LTBP1: variants seen among roughly 807,000 people sequenced by gnomAD.
The protein encoded by LTBP1 is latent transforming growth factor beta binding protein 1.
LTBP1 carries 129 observed loss-of-function variants against 207.6 expected under a neutral mutation model. The observed-to-expected ratio is 0.62, with a 90% CI of 0.54 to 0.72. The LOEUF (loss-of-function observed/expected upper bound fraction) is 0.72. LTBP1 is among the 30% of genes least tolerant of loss of function. The probability of loss-of-function intolerance (pLI) is 0.00; values close to 1 mark genes in which losing one functional copy is unlikely to be tolerated. For missense variants in LTBP1, 2,281 were observed against 2,217.2 expected (o/e 1.03, Z -0.58); for synonymous variants, 963 against 833.7 (o/e 1.16, Z -2.67).
At chr2:33,200,761 A>T (rs1201495870) in intron 7 of LTBP1, among the ~76,000 whole-genome samples, 2 of 152,186 alleles carry the variant, frequency 1.3e-5, no homozygotes, top group Non-Finnish European at 2.9e-5. Context: ...ATCTACAATG[A>T]ACTCAAACAA....
At chr2:33,196,416 A>G (rs1231688966) in intron 7 of LTBP1, among the ~76,000 whole-genome samples, 1 of 152,182 alleles carries the variant, frequency 6.6e-6, no homozygotes, top group African/African-American at 2.4e-5. Context: ...TTTAGAAACA[A>G]ACTTAAAGTT....
chr2:33,218,605 C>G (rs546631483), intron 8 of LTBP1, among the ~76,000 whole-genome samples: 20 of 152,258 alleles, frequency 1.3e-4, no homozygotes, highest in African/African-American at 4.6e-4. Flanking sequence ...CCATGTTGGC[C>G]AGGCTGGTCT....
chr2:33,327,673 A>T (rs1430701838), intron 24 of LTBP1, among the ~76,000 whole-genome samples: 1 of 152,150 alleles, frequency 6.6e-6, no homozygotes, highest in Non-Finnish European at 1.5e-5. Flanking sequence ...CAAGATGACT[A>T]CTCAGAGTGC....
chr2:32,956,845 T>C (rs1678154677), intron 2 of LTBP1, among the ~76,000 whole-genome samples: 1 of 152,208 alleles, frequency 6.6e-6, no homozygotes, highest in Admixed American at 6.5e-5. Context: ...CTTTGACCCA[T>C]GGACTACAGA....
intron 18 of LTBP1, 32 bp from the exon 19 acceptor site, chr2:33,280,007 A>C: frequency 6.2e-7 from 1 of 1,610,586 alleles, no homozygotes; most frequent in African/African-American, 1.3e-5. Flanking sequence ...ATTCTGATAA[A>C]ATGTTCACGA....
At position 33,275,897 on chromosome 2, in the gene LTBP1, G is replaced by A. The variant is rs142262862; in HGVS notation, c.2966G>A (p.Arg989His). ...TGTGAATACTGTGACAGCGGGTACC[G>A]CATGACTCAGAGAGGCCGTTGTGAG... ...FRCEYCDSGY[R>H]MTQRGRCEDI... Residue 989 changes from arginine (R) to histidine (H), a missense_variant, in exon 18 of 34, where the codon CGC (arginine) becomes CAC (histidine). Physicochemically the swap from Arg to His is conservative, Grantham distance 29 (BLOSUM62 0). Transcript: ENST00000404816. The A allele has an allele frequency of 1.2e-5, 20 of 1,602,156 alleles. No homozygotes were observed. The highest frequency in any genetic ancestry group is 1.1e-4 in the African/African-American group (8 of 74,736).
intron 26 of LTBP1, among the ~76,000 whole-genome samples, chr2:33,353,305 C>T (rs961882722): frequency 6.6e-6 from 1 of 152,120 alleles, no homozygotes; most frequent in Admixed American, 6.6e-5. Flanking sequence ...TGAAATATCT[C>T]TCAAGCCTTT....
At chr2:33,041,289 T>C (rs2149407308) in intron 3 of LTBP1, among the ~76,000 whole-genome samples, 1 of 152,318 alleles carries the variant, frequency 6.6e-6, no homozygotes, top group Admixed American at 6.5e-5. Context: ...TTTCTTTCTT[T>C]TTTTTTCTTT....
chr2:33,069,316 C>G (rs1298702875), intron 3 of LTBP1, among the ~76,000 whole-genome samples: 1 of 152,180 alleles, frequency 6.6e-6, no homozygotes, highest in African/African-American at 2.4e-5. Flanking sequence ...ACACCCTCTC[C>G]CTCTAGTCTG....
chr2:33,331,759 C>A (rs991406624), intron 24 of LTBP1, among the ~76,000 whole-genome samples: 4 of 152,014 alleles, frequency 2.6e-5, no homozygotes, highest in African/African-American at 9.7e-5. Flanking sequence ...TGTCTGCTTA[C>A]TATATAAATG....
chr2:33,171,875 T>C (rs1325652001), intron 5 of LTBP1, among the ~76,000 whole-genome samples: 2 of 152,140 alleles, frequency 1.3e-5, no homozygotes, highest in Non-Finnish European at 2.9e-5. Context: ...AAAAAAGAAT[T>C]TTCAACCCAG....
intron 31 of LTBP1, among the ~76,000 whole-genome samples, chr2:33,378,437 G>A (rs2095171722): frequency 6.6e-6 from 1 of 151,954 alleles, no homozygotes; most frequent in African/African-American, 2.4e-5. Context: ...TCACCATGTT[G>A]CCCAGGCTGG....
At chr2:33,115,738 C>T (rs1320962808) in intron 4 of LTBP1, among the ~76,000 whole-genome samples, 1 of 151,406 alleles carries the variant, frequency 6.6e-6, no homozygotes, top group Admixed American at 6.6e-5. Flanking sequence ...TTTTTTTAAC[C>T]CAGAGGAAGA....
At position 33,110,003 on chromosome 2, in the gene LTBP1, T is replaced by A. The variant is rs543638974; in HGVS notation, c.864-579T>A. 3.9e-5 allele frequency among the ~76,000 whole-genome samples: 6 copies of A among 152,374 alleles called. No homozygotes were observed. In the South Asian group the frequency reaches 1.0e-3, roughly 26 times the overall value. On this transcript the variant is annotated intron_variant, in intron 3 of 33. Transcript: ENST00000404816. ...CATGGGGATTTCTTGCATAATTCCC[T>A]TCCTGTACTTTCTTCGCTATTTCCC...
At chr2:33,092,814 C>G (rs181439238) in intron 3 of LTBP1, among the ~76,000 whole-genome samples, 2 of 152,146 alleles carry the variant, frequency 1.3e-5, no homozygotes, top group Non-Finnish European at 2.9e-5. Context: ...TTTCCATGAC[C>G]CTAAATTCTC....
chr2:33,212,113 T>C (rs1177600254), intron 7 of LTBP1, among the ~76,000 whole-genome samples: 4 of 152,330 alleles, frequency 2.6e-5, no homozygotes, highest in East Asian at 3.9e-4. Flanking sequence ...ACATGGATAT[T>C]TGTGGAATAA....
At chr2:33,260,904 A>G (rs1372226756) in intron 13 of LTBP1, among the ~76,000 whole-genome samples, 1 of 152,208 alleles carries the variant, frequency 6.6e-6, no homozygotes, top group Non-Finnish European at 1.5e-5. Flanking sequence ...AAAACCCCCA[A>G]AATTTTCTTG....
At chr2:33,038,370 T>G (rs2076026588) in intron 3 of LTBP1, among the ~76,000 whole-genome samples, 1 of 152,210 alleles carries the variant, frequency 6.6e-6, no homozygotes, top group South Asian at 2.1e-4. Context: ...ATCTTTTACC[T>G]TATGCAGCAC....
rs1366747721 is a variant in LTBP1, at chr2:33,275,817, G to A, written c.2886G>A (p.Leu962=). ...TCTTCGTAGATGTTGACGAATGCCT[G>A]AGGCCGGACGTCTGTGGGGAGGGGC... ...GTNCIDVDEC[L]RPDVCGEGHC... is the part of the protein sequence containing the mutation. The change falls in exon 18 of 34, where the codon CTG becomes CTA. Residue 962 remains leucine (L), a synonymous_variant. Coordinates refer to ENST00000404816, the MANE Select transcript of LTBP1 (RefSeq NM_206943.4). The A allele has an allele frequency of 6.8e-6, 11 of 1,614,176 alleles. No homozygotes were observed. Among genetic ancestry groups the A allele is most frequent in the Non-Finnish European group, 9.3e-6 (11 of 1,179,982 alleles).
Sources: allele counts gnomAD v4.1 joint callset (sites outside exome capture counted in the v4.1 genomes callset), GRCh38; gene constraint gnomAD v4.1.1; transcripts MANE v1.5; gene names NCBI Gene and HGNC (gene_info 2026-07-23, HGNC 2026-07-21).